Variants in CDKAL1 observed in about 807,000 individuals in gnomAD.
The protein encoded by CDKAL1 is threonylcarbamoyladenosine tRNA methylthiotransferase.
CDKAL1 carries 32 observed loss-of-function variants against 68.2 expected under a neutral mutation model. The ratio of observed to expected loss-of-function variants is 0.47; its 90% CI spans 0.35 to 0.63. The LOEUF (loss-of-function observed/expected upper bound fraction) is 0.63. Ranked by LOEUF, CDKAL1 falls within the 30% of genes least tolerant of loss-of-function variation. The pLI is 0.00. For synonymous variants in CDKAL1, 234 were observed against 244.3 expected (o/e 0.96, Z 0.39); for missense variants, 606 against 696.7 (o/e 0.87, Z 1.47).
chr6:20,671,231 G>A (rs1172913751), intron 5 of CDKAL1, among the ~76,000 whole-genome samples: 2 of 152,164 alleles, frequency 1.3e-5, no homozygotes, highest in Non-Finnish European at 2.9e-5. Flanking sequence ...GGAAGAAATG[G>A]TATTTCAGGG....
intron 5 of CDKAL1, among the ~76,000 whole-genome samples, chr6:20,704,187 C>T (rs764410551): frequency 3.3e-5 from 5 of 152,084 alleles, no homozygotes; most frequent in Non-Finnish European, 7.4e-5. Flanking sequence ...TATCAAATTA[C>T]ACCAAGTGCT....
intron 15 of CDKAL1, among the ~76,000 whole-genome samples, chr6:21,218,682 A>G (rs182036810): frequency 6.6e-6 from 1 of 152,206 alleles, no homozygotes; most frequent in Non-Finnish European, 1.5e-5. Context: ...TGCATAGTGC[A>G]GCTCACAGCA....
intron 9 of CDKAL1, among the ~76,000 whole-genome samples, chr6:20,870,205 TG>T (rs1442243546): frequency 2.0e-5 from 3 of 152,208 alleles, no homozygotes; most frequent in Non-Finnish European, 4.4e-5. Flanking sequence ...CACAAAGATG[TG>T]GAGAGCTGTT....
chr6:21,116,351 A>G (rs565027629), intron 13 of CDKAL1, among the ~76,000 whole-genome samples: 1 of 152,320 alleles, frequency 6.6e-6, no homozygotes, highest in South Asian at 2.1e-4. Flanking sequence ...GTAGACTTTT[A>G]TTATGATGAT....
chr6:21,202,928 A>T (rs74563114), intron 15 of CDKAL1, among the ~76,000 whole-genome samples: 1 of 152,164 alleles, frequency 6.6e-6, no homozygotes, highest in Non-Finnish European at 1.5e-5. Flanking sequence ...AAGATGAGGA[A>T]GCCAGTTGGT....
chr6:20,802,037 C>T (rs928132539), intron 8 of CDKAL1, among the ~76,000 whole-genome samples: 7 of 152,100 alleles, frequency 4.6e-5, no homozygotes, highest in South Asian at 2.1e-4. Flanking sequence ...TGGTGGCAAA[C>T]GCCTGTAATC....
At chr6:21,169,798 A>G (rs1032956690) in intron 13 of CDKAL1, among the ~76,000 whole-genome samples, 3 of 152,188 alleles carry the variant, frequency 2.0e-5, no homozygotes, top group Non-Finnish European at 4.4e-5. Flanking sequence ...GTGGAAGGCA[A>G]GAAGGAGCAA....
intron 4 of CDKAL1, among the ~76,000 whole-genome samples, chr6:20,563,077 T>C (rs913031603): frequency 6.6e-6 from 1 of 152,210 alleles, no homozygotes; most frequent in African/African-American, 2.4e-5. Flanking sequence ...TTTAATTGAA[T>C]TGCTATATGA....
At chr6:21,212,546 A>C (rs1779192094) in intron 15 of CDKAL1, among the ~76,000 whole-genome samples, 2 of 152,180 alleles carry the variant, frequency 1.3e-5, no homozygotes, top group South Asian at 4.1e-4. Flanking sequence ...CTAATGATGA[A>C]AGTGACAGCC....
rs146099902 is a variant in CDKAL1 at position 21,047,968 on chromosome 6, G to A, written c.1056-17080G>A. On this transcript the variant is annotated intron_variant, in intron 11 of 15. Transcript: ENST00000274695. ...TATTCTGATTTGAATCATATCAATC[G>A]GAATTGGGTGATAATGGAAAGGTTG... is the stretch of plus-strand genomic sequence containing the variant. Among the ~76,000 whole-genome samples, 88 of 152,268 alleles carry A rather than the reference G, an allele frequency of 5.8e-4. 1 individual carries two copies. The highest frequency in any genetic ancestry group is 1.8e-3 in the African/African-American group (75 of 41,558).
rs1763308589 is a variant in CDKAL1 at position 20,539,569 on chromosome 6, C to T, written c.-6+4175C>T. On this transcript the variant is annotated intron_variant, in intron 2 of 15. Coordinates refer to ENST00000274695, the MANE Select transcript of CDKAL1 (RefSeq NM_017774.3). The surrounding 1 kb of genome is among the most constrained non-coding windows in gnomAD (Gnocchi z 4.3). ...TCCTTAAGGGCTTGAGTGAGTGAGC[C>T]ATTCAGGTGTCTTAAGTAAGAGCAT... Among the ~76,000 whole-genome samples the T allele has an allele frequency of 6.6e-6, 1 of 152,046 alleles. No individual in the cohort carries two copies. The highest frequency in any genetic ancestry group is 6.6e-5 in the Admixed American group (1 of 15,250).
intron 9 of CDKAL1, among the ~76,000 whole-genome samples, chr6:20,864,703 T>C (rs1301187428): frequency 1.3e-5 from 2 of 152,160 alleles, no homozygotes; most frequent in Non-Finnish European, 2.9e-5. Context: ...TTAGGTAAAA[T>C]GGTATTTCTC....
In CDKAL1 at chr6:20,565,153, A is replaced by ATT. The variant is rs538560526; in HGVS notation, c.286+16452_286+16453dup. Among the ~76,000 whole-genome samples the ATT allele has an allele frequency of 3.9e-3, 589 of 151,918 alleles. 7 individuals carry two copies. The highest frequency in any genetic ancestry group is 0.013 in the African/African-American group (558 of 41,404). Reference sequence around the variant, plus strand: ...ATCAAAGCTATCTATATATATATATATTTTTAAATGAACAGCATTTGTCAG... The same window carrying ATT: ...ATCAAAGCTATCTATATATATATATATTTTTTTAAATGAACAGCATTTGTCAG... On this transcript the variant is annotated intron_variant, in intron 4 of 15. Coordinates refer to ENST00000274695, the MANE Select transcript of CDKAL1 (RefSeq NM_017774.3).
chr6:21,153,627 A>T (rs1185552966), intron 13 of CDKAL1, among the ~76,000 whole-genome samples: 1 of 152,202 alleles, frequency 6.6e-6, no homozygotes, highest in African/African-American at 2.4e-5. Flanking sequence ...TGAGGACATG[A>T]GTTACAAGGA....
At chr6:21,002,410 A>G (rs1767475747) in intron 11 of CDKAL1, among the ~76,000 whole-genome samples, 1 of 152,112 alleles carries the variant, frequency 6.6e-6, no homozygotes, top group South Asian at 2.1e-4. Context: ...CCCCCCATAT[A>G]TAGTTTCAGT....
intron 8 of CDKAL1, among the ~76,000 whole-genome samples, chr6:20,783,183 G>A (rs1001689675): frequency 3.1e-5 from 3 of 96,542 alleles, no homozygotes; most frequent in African/African-American, 1.3e-4. Flanking sequence ...ACTTGCCTTG[G>A]CCTTCAAAAA....
intron 4 of CDKAL1, among the ~76,000 whole-genome samples, chr6:20,589,105 C>G (rs1285900719): frequency 2.6e-5 from 4 of 152,086 alleles, no homozygotes; most frequent in Non-Finnish European, 1.5e-5. Context: ...TCTCCGTGAA[C>G]ATCTGCAGCC....
intron 4 of CDKAL1, among the ~76,000 whole-genome samples, chr6:20,587,192 G>A (rs1765404892): frequency 6.6e-6 from 1 of 151,776 alleles, no homozygotes; most frequent in African/African-American, 2.4e-5. Flanking sequence ...TTGCCATTTT[G>A]GCCAAGCTGA....
chr6:20,775,303 C>A (rs1775126072), intron 7 of CDKAL1, among the ~76,000 whole-genome samples: 1 of 152,056 alleles, frequency 6.6e-6, no homozygotes, highest in African/African-American at 2.4e-5. Context: ...AACTCACTCC[C>A]TTTTTCTTTT....
Sources: allele counts gnomAD v4.1 joint callset (sites outside exome capture counted in the v4.1 genomes callset), GRCh38; gene constraint gnomAD v4.1.1; non-coding constraint Gnocchi (gnomAD v3.1); transcripts MANE v1.5; gene names NCBI Gene and HGNC (gene_info 2026-07-23, HGNC 2026-07-21).